Variants in ENPP3 observed in about 807,000 individuals in gnomAD.
ENPP3 encodes the protein ectonucleotide pyrophosphatase/phosphodiesterase family member 3.
In ENPP3, 104 loss-of-function variants were observed where a neutral mutation model predicts 117.8. The observed-to-expected ratio is 0.88, with a 90% CI of 0.75 to 1.04. ENPP3 has a LOEUF of 1.04. Among genes scored for constraint, ENPP3 ranks in the 50% least tolerant of loss-of-function variants. The probability of loss-of-function intolerance (pLI) is 0.00; values close to 1 mark genes in which losing one functional copy is unlikely to be tolerated. For missense variants in ENPP3, 1,026 were observed against 1,051.9 expected, an observed-to-expected ratio of 0.98 and a Z score of 0.34; for synonymous variants, 380 against 349.9, an observed-to-expected ratio of 1.09 and a Z score of -0.96.
intron 17 of ENPP3, among the ~76,000 whole-genome samples, chr6:131,720,865 A>G (rs1004039220): frequency 6.6e-6 from 1 of 152,164 alleles, no homozygotes; most frequent in African/African-American, 2.4e-5. Flanking sequence ...GATTACGGGC[A>G]TGAGCTACCA....
At chr6:131,672,101 C>G (rs1394477050) in intron 7 of ENPP3, among the ~76,000 whole-genome samples, 5 of 152,044 alleles carry the variant, frequency 3.3e-5, no homozygotes, top group Admixed American at 6.6e-5. Context: ...ATTTGTAACC[C>G]CCAAATCAAT....
At chr6:131,647,096 AC>A (rs1246499881) in intron 2 of ENPP3, among the ~76,000 whole-genome samples, 9 of 151,142 alleles carry the variant, frequency 6.0e-5, no homozygotes, top group African/African-American at 2.2e-4. Context: ...CTTGTCTCAA[AC>A]TCCTGAGCTC....
At chr6:131,733,447 C>G (rs1427141180) in intron 20 of ENPP3, 141 bp from the exon 21 acceptor site, 1 of 835,038 alleles carries the variant, frequency 1.2e-6, no homozygotes, top group East Asian at 2.7e-5. Flanking sequence ...GACATCCATT[C>G]TCATTGCTTG....
At chr6:131,713,425 A>T (rs1435418433) in intron 15 of ENPP3, among the ~76,000 whole-genome samples, 1 of 149,152 alleles carries the variant, frequency 6.7e-6, no homozygotes, top group Non-Finnish European at 1.5e-5. Flanking sequence ...TCACATACTA[A>T]TTTATTTTTA....
intron 17 of ENPP3, 106 bp downstream of exon 17, chr6:131,720,485 G>A (rs778850963): frequency 7.4e-6 from 4 of 541,944 alleles, no homozygotes; most frequent in Non-Finnish European, 9.8e-6. Flanking sequence ...GCTCTGTAGT[G>A]AGAAGGCAGA....
chr6:131,649,625 A>C (rs1778220126), intron 2 of ENPP3, among the ~76,000 whole-genome samples: 1 of 152,034 alleles, frequency 6.6e-6, no homozygotes, highest in South Asian at 2.1e-4. Flanking sequence ...GCACAATCTC[A>C]GCTCACTGCA....
chr6:131,728,673 T>C (rs2114547898), intron 20 of ENPP3, among the ~76,000 whole-genome samples: 1 of 152,344 alleles, frequency 6.6e-6, no homozygotes, highest in Non-Finnish European at 1.5e-5. Context: ...CAGGCTTAAA[T>C]AAGCACTTTT....
At chr6:131,701,997 A>G (rs1310115079) in intron 15 of ENPP3, among the ~76,000 whole-genome samples, 6 of 152,160 alleles carry the variant, frequency 3.9e-5, no homozygotes, top group African/African-American at 9.7e-5. Context: ...AACATGTCAC[A>G]TATTAATATA....
intron 18 of ENPP3, among the ~76,000 whole-genome samples, chr6:131,723,204 T>A (rs1319704662): frequency 6.6e-6 from 1 of 152,188 alleles, no homozygotes; most frequent in African/African-American, 2.4e-5. Context: ...CAGGTAAGAA[T>A]TTTTCCTTAT....
At chr6:131,724,316 A>T (rs1295340184) in intron 19 of ENPP3, among the ~76,000 whole-genome samples, 1 of 151,958 alleles carries the variant, frequency 6.6e-6, no homozygotes, top group East Asian at 1.9e-4. Context: ...AATTCCTTGA[A>T]GAGGTTGTGA....
In ENPP3 at chr6:131,650,096, G is replaced by A; in HGVS notation, c.224G>A (p.Cys75Tyr). 3.1e-6 allele frequency: 5 copies of A among 1,614,094 alleles called. No individual in the cohort carries two copies. Among genetic ancestry groups the A allele is most frequent in the Middle Eastern group, 1.7e-4 (1 of 6,060 alleles). Reference protein sequence around the residue: ...GLENCRCDVACKDRGDCCWDF... With the variant: ...GLENCRCDVAYKDRGDCCWDF... ...GAGAACTGCCGGTGTGATGTGGCAT[G>A]TAAAGACCGAGGTGATTGCTGCTGG... Residue 75 changes from cysteine (C) to tyrosine (Y), a missense_variant, in exon 3 of 25, where the codon TGT (cysteine) becomes TAT (tyrosine). Physicochemically the swap from Cys to Tyr is radical, Grantham distance 194. Transcript: ENST00000357639.
At chr6:131,743,062 G>A (rs776853434) in intron 24 of ENPP3, among the ~76,000 whole-genome samples, 2 of 152,166 alleles carry the variant, frequency 1.3e-5, no homozygotes, top group Non-Finnish European at 2.9e-5. Flanking sequence ...CTTAAGCCAA[G>A]CTATGATTAT....
intron 2 of ENPP3, among the ~76,000 whole-genome samples, chr6:131,643,741 A>G (rs1778100465): frequency 6.6e-6 from 1 of 152,186 alleles, no homozygotes; most frequent in African/African-American, 2.4e-5. Context: ...ATTGAACATT[A>G]TGTGCTTGGT....
chr6:131,651,050 G>A (rs953072113), intron 3 of ENPP3, among the ~76,000 whole-genome samples: 5 of 152,014 alleles, frequency 3.3e-5, no homozygotes, highest in Non-Finnish European at 7.4e-5. Context: ...CTCCCAAGTA[G>A]CTGGGACTAC....
rs1049124122 is a variant in ENPP3, at chr6:131,713,142, A to G, written c.1413-5530A>G. Among the ~76,000 whole-genome samples, 2 of 130,948 alleles carry G rather than the reference A, an allele frequency of 1.5e-5. 1 individual carries two copies. Among genetic ancestry groups the G allele is most frequent in the Non-Finnish European group, 3.0e-5 (2 of 66,932 alleles). The allele number at this position is 130,948 out of a possible 152,430, so 85.9% of individuals were successfully genotyped here. The stretch of plus-strand genomic sequence containing the variant: ...TTTACAAAGGGGAGCTTCCCTGCAC[A>G]TGCCCTCTCTCTTGTCTGCCATGTA... On this transcript the variant is annotated intron_variant, in intron 15 of 24. Transcript: ENST00000357639.
intron 20 of ENPP3, among the ~76,000 whole-genome samples, chr6:131,731,777 C>T (rs772353309): frequency 6.6e-6 from 1 of 152,178 alleles, no homozygotes; most frequent in African/African-American, 2.4e-5. Flanking sequence ...TACTAAATCA[C>T]GTTATTATTT....
intron 21 of ENPP3, among the ~76,000 whole-genome samples, chr6:131,734,923 C>G (rs1207840583): frequency 6.7e-6 from 1 of 149,584 alleles, no homozygotes; most frequent in Non-Finnish European, 1.5e-5. Flanking sequence ...AAAGTTGCAA[C>G]ATTTTATTAA....
rs76788372 is a variant in ENPP3, at chr6:131,666,027, A to G, written c.563-5221A>G. On this transcript the variant is annotated intron_variant, in intron 6 of 24. Transcript: ENST00000357639. The stretch of plus-strand genomic sequence containing the variant: ...TTGTAAATTTTTCAGTTTTCCCTGT[A>G]ATATAGATTTCTAGTGTTATTCCAT... 6.1e-4 allele frequency among the ~76,000 whole-genome samples: 93 copies of G among 152,138 alleles called. No homozygotes were observed. In the East Asian group the frequency reaches 0.015, roughly 25 times the overall value.
intron 22 of ENPP3, 84 bp downstream of exon 22, chr6:131,737,516 C>A: frequency 2.6e-6 from 2 of 775,334 alleles, no homozygotes; most frequent in Admixed American, 2.1e-5. Flanking sequence ...TTTTTAATTG[C>A]AATTTGTTCC....
Sources: gnomAD v4.1 joint callset for allele counts (sites outside exome capture counted in the v4.1 genomes callset) on GRCh38, gnomAD v4.1.1 for gene constraint, MANE v1.5 for transcripts, NCBI Gene and HGNC (gene_info 2026-07-23, HGNC 2026-07-21) for gene names.